Variants in IRAK1BP1 observed in about 807,000 individuals in gnomAD.
IRAK1BP1 encodes the protein interleukin 1 receptor associated kinase 1 binding protein 1.
A neutral mutation model predicts 28.0 loss-of-function variants in IRAK1BP1; 24 were observed. That is an observed-to-expected ratio of 0.86 (90% CI 0.62 to 1.20). The LOEUF is 1.20. IRAK1BP1 is among the 50% of genes most tolerant of loss of function. The pLI is 0.00. For missense variants in IRAK1BP1, 336 were observed against 316.7 expected (o/e 1.06, Z -0.46); for synonymous variants, 131 against 116.3 (o/e 1.13, Z -0.81).
At chr6:78,938,322 G>A (rs1773347881) in intron 4 of IRAK1BP1, 1 of 151,442 alleles carries the variant, frequency 6.6e-6, no homozygotes, top group African/African-American at 2.4e-5. Flanking sequence ...TAGGAAAGAT[G>A]GTAAATACTC....
intron 1 of IRAK1BP1, among the ~76,000 whole-genome samples, chr6:78,873,133 G>A (rs1262804625): frequency 6.6e-6 from 1 of 151,300 alleles, no homozygotes; most frequent in Non-Finnish European, 1.5e-5. Context: ...GTGGGCGCCT[G>A]TGTCTCAGCT....
At chr6:78,908,441 C>T (rs1772316670) in intron 4 of IRAK1BP1, among the ~76,000 whole-genome samples, 1 of 152,162 alleles carries the variant, frequency 6.6e-6, no homozygotes, top group African/African-American at 2.4e-5. Context: ...CCTTGAACAC[C>T]AGACTCAAGT....
At chr6:78,953,190 TG>T in the IRAK1BP1 span, among the ~76,000 whole-genome samples, 2 of 152,162 alleles carry the variant, frequency 1.3e-5, no homozygotes, top group Admixed American at 1.3e-4. Context: ...CTAGAACCAC[TG>T]GGGGAAACAT....
chr6:78,870,109 C>CAAAAA (rs70977749), intron 1 of IRAK1BP1, among the ~76,000 whole-genome samples: 3 of 41,536 alleles, frequency 7.2e-5, no homozygotes, highest in Admixed American at 5.0e-4. Context: ...AACTCCGTCC[C>CAAAAA]AAAAAAAAAA....
intron 4 of IRAK1BP1, among the ~76,000 whole-genome samples, chr6:78,945,021 G>C (rs1186528806): frequency 1.3e-5 from 2 of 151,780 alleles, no homozygotes; most frequent in African/African-American, 2.4e-5. Flanking sequence ...TTCTAGAAAA[G>C]TGAAGAATGC....
the IRAK1BP1 span, among the ~76,000 whole-genome samples, chr6:78,974,627 A>G: frequency 2.0e-5 from 3 of 152,248 alleles, no homozygotes; most frequent in Non-Finnish European, 4.4e-5. Flanking sequence ...ATAGACCGCC[A>G]GCAAGACTAA....
At chr6:78,915,588 G>A (rs1413695030) in intron 4 of IRAK1BP1, among the ~76,000 whole-genome samples, 1 of 152,090 alleles carries the variant, frequency 6.6e-6, no homozygotes, top group Non-Finnish European at 1.5e-5. Flanking sequence ...GGGAGACAGG[G>A]GACTCCTGTG....
At chr6:78,934,276 A>T (rs1216449059) in intron 4 of IRAK1BP1, among the ~76,000 whole-genome samples, 2 of 152,192 alleles carry the variant, frequency 1.3e-5, no homozygotes, top group East Asian at 3.9e-4. Context: ...ATAGAATGAG[A>T]TTTTAAAAGT....
chr6:78,880,734 C>T (rs745569927), intron 1 of IRAK1BP1, among the ~76,000 whole-genome samples: 8 of 152,208 alleles, frequency 5.3e-5, no homozygotes, highest in East Asian at 1.9e-4. Flanking sequence ...ACAGACACTT[C>T]GCCAAGGAAC....
At chr6:78,882,327 AAAAG>A (rs894944068) in intron 1 of IRAK1BP1, among the ~76,000 whole-genome samples, 1 of 152,182 alleles carries the variant, frequency 6.6e-6, no homozygotes, top group Admixed American at 6.5e-5. Flanking sequence ...ATTGAGCAAC[AAAAG>A]AAATAAAGTA....
intron 4 of IRAK1BP1, among the ~76,000 whole-genome samples, chr6:78,908,817 G>A (rs1050338300): frequency 3.3e-5 from 5 of 152,174 alleles, no homozygotes; most frequent in Admixed American, 6.5e-5. Context: ...GGTAGAAGAT[G>A]GTGAGTCATC....
chr6:78,877,753 G>A (rs577251372), intron 1 of IRAK1BP1, among the ~76,000 whole-genome samples: 11 of 152,294 alleles, frequency 7.2e-5, no homozygotes, highest in East Asian at 1.9e-4. Context: ...AAGGGAACCC[G>A]TGACAGACGG....
chr6:78,910,174 T>A (rs1006929160), intron 4 of IRAK1BP1, among the ~76,000 whole-genome samples: 3 of 151,924 alleles, frequency 2.0e-5, no homozygotes, highest in Non-Finnish European at 4.4e-5. Context: ...TGACAGGGGA[T>A]GAGGGAATGC....
chr6:78,882,863 T>C (rs1216329591), intron 1 of IRAK1BP1, among the ~76,000 whole-genome samples: 2 of 152,214 alleles, frequency 1.3e-5, no homozygotes, highest in Non-Finnish European at 2.9e-5. Context: ...TACTATAATA[T>C]TAACATCAGA....
chr6:78,962,850 C>G, the IRAK1BP1 span, among the ~76,000 whole-genome samples: 1 of 152,076 alleles, frequency 6.6e-6, no homozygotes, highest in African/African-American at 2.4e-5. Context: ...CCAGTTTTTT[C>G]AGAGATGCCT....
At chr6:78,895,750 A>C (rs1361445402) in intron 2 of IRAK1BP1, among the ~76,000 whole-genome samples, 1 of 152,232 alleles carries the variant, frequency 6.6e-6, no homozygotes, top group Middle Eastern at 3.2e-3. Flanking sequence ...TCAAACTGAT[A>C]AGAGGAATCC....
chr6:78,908,326 A>G (rs1772313968), intron 4 of IRAK1BP1, among the ~76,000 whole-genome samples: 1 of 151,818 alleles, frequency 6.6e-6, no homozygotes, highest in Non-Finnish European at 1.5e-5. Flanking sequence ...GCTGGGATTA[A>G]GGCGTGAGCC....
At chr6:78,968,024 G>C in the IRAK1BP1 span, among the ~76,000 whole-genome samples, 4 of 152,154 alleles carry the variant, frequency 2.6e-5, no homozygotes, top group African/African-American at 9.6e-5. Context: ...TGTAGTCCCA[G>C]CTAATCGGGA....
intron 4 of IRAK1BP1, among the ~76,000 whole-genome samples, chr6:78,918,286 G>A (rs1419780397): frequency 6.6e-6 from 1 of 151,980 alleles, no homozygotes; most frequent in African/African-American, 2.4e-5. Flanking sequence ...GACAGAGTAA[G>A]ACCCTGTCTC....
Sources: allele counts gnomAD v4.1 joint callset (sites outside exome capture counted in the v4.1 genomes callset), GRCh38; gene constraint gnomAD v4.1.1; transcripts MANE v1.5; gene names NCBI Gene and HGNC (gene_info 2026-07-23, HGNC 2026-07-21).